Variants in NSF observed in about 807,000 individuals in gnomAD.
NSF encodes vesicle-fusing ATPase.
In NSF, 14 loss-of-function variants were observed where a neutral mutation model predicts 50.3. That is an observed-to-expected ratio of 0.28 (90% CI 0.18 to 0.44). The LOEUF is 0.44. Ranked by LOEUF, NSF falls within the 20% of genes least tolerant of loss-of-function variation. NSF has a pLI of 1.00. For missense variants in NSF, 218 were observed against 504.3 expected, an observed-to-expected ratio of 0.43 and a Z score of 5.44; for synonymous variants, 109 against 175.7, an observed-to-expected ratio of 0.62 and a Z score of 3.00.
intron 17 of NSF, among the ~76,000 whole-genome samples, chr17:46,731,180 C>T (rs930374088): frequency 1.3e-5 from 2 of 152,016 alleles, no homozygotes; most frequent in African/African-American, 4.8e-5. Flanking sequence ...AGTACCATTA[C>T]ATACTACAAC....
In NSF at chr17:46,728,859, C is replaced by A; in HGVS notation, c.1833C>A (p.Tyr611Ter). 1 of 1,598,870 alleles carries A rather than the reference C, an allele frequency of 6.3e-7. No homozygotes were observed. Among genetic ancestry groups the A allele is most frequent in the Non-Finnish European group, 8.5e-7 (1 of 1,171,890 alleles). ...ATAATAATGTTTCTTTTCCAGATTA[C>A]GTCCCTATTGGCCCTCGATTTTCAA... is the stretch of plus-strand genomic sequence containing the variant. ...VVDDIERLLDYVPIGPRFSNL... is the reference protein window; with the variant it reads ...VVDDIERLLD Residue 611 changes from tyrosine (Y) to a stop codon, truncating the protein, a stop_gained, in exon 17 of 21, where the codon TAC becomes TAA. Transcript: ENST00000398238. LOFTEE classifies it high-confidence loss of function.
At chr17:46,684,986 A>G (rs1298512659) in intron 9 of NSF, among the ~76,000 whole-genome samples, 5 of 96,530 alleles carry the variant, frequency 5.2e-5, no homozygotes. Context: ...ATTTTATTCT[A>G]TTTTTTTAAA....
chr17:46,715,733 G>C (rs1194423143), intron 15 of NSF, among the ~76,000 whole-genome samples: 2 of 152,208 alleles, frequency 1.3e-5, no homozygotes, highest in Admixed American at 1.3e-4. Flanking sequence ...AAGGTAATAT[G>C]TGCTGATTTT....
chr17:46,725,481 G>A (rs889477405), intron 15 of NSF, among the ~76,000 whole-genome samples: 26 of 152,096 alleles, frequency 1.7e-4, no homozygotes, highest in African/African-American at 6.3e-4. Flanking sequence ...AAAGAGGTAA[G>A]GAAGGAACTG....
chr17:46,734,729 C>G (rs2058983636), intron 17 of NSF, among the ~76,000 whole-genome samples: 1 of 151,998 alleles, frequency 6.6e-6, no homozygotes, highest in African/African-American at 2.4e-5. Context: ...ATATATAGTA[C>G]ATATATATGT....
Position 46,642,102 on chromosome 17 carries a change from AT to A in NSF, c.590-997del. Among the ~76,000 whole-genome samples the A allele has an allele frequency of 2.0e-5, 2 of 99,882 alleles. 1 individual carries two copies. The highest frequency in any genetic ancestry group is 1.0e-3 in the East Asian group (2 of 1,908). The allele number at this position is 99,882 out of a possible 152,430, so 65.5% of individuals were successfully genotyped here. Reference sequence around the variant, plus strand: ...GGGCAGTAGAGTGTAAGAAAAAAATATTTTTCATCGCTTTCCAAAGGAAATC... The same window carrying A: ...GGGCAGTAGAGTGTAAGAAAAAAATATTTTCATCGCTTTCCAAAGGAAATC... On this transcript the variant is annotated intron_variant, in intron 7 of 20. Coordinates refer to ENST00000398238, the MANE Select transcript of NSF (RefSeq NM_006178.4).
chr17:46,718,301 G>A (rs552371321), intron 15 of NSF, among the ~76,000 whole-genome samples: 8 of 152,176 alleles, frequency 5.3e-5, no homozygotes, highest in African/African-American at 7.2e-5. Context: ...TGGCCATGCC[G>A]GGCCAGCCCC....
chr17:46,721,972 G>A (rs942485367), intron 15 of NSF: 33 of 1,603,868 alleles, frequency 2.1e-5, no homozygotes, highest in Non-Finnish European at 2.3e-5. Flanking sequence ...GTTGAGGAAC[G>A]GGAACAAAGA....
chr17:46,745,596 A>C (rs2059120207), intron 17 of NSF, among the ~76,000 whole-genome samples: 1 of 152,238 alleles, frequency 6.6e-6, no homozygotes, highest in East Asian at 1.9e-4. Context: ...CTTCTTCCTC[A>C]GTGCCACTGT....
chr17:46,715,511 A>C (rs2058759752), intron 15 of NSF, among the ~76,000 whole-genome samples: 1 of 152,228 alleles, frequency 6.6e-6, no homozygotes, highest in Non-Finnish European at 1.5e-5. Flanking sequence ...CAAAAGTAGT[A>C]GTCATCTTTG....
chr17:46,726,162 C>T (rs2058887670), intron 15 of NSF, among the ~76,000 whole-genome samples: 1 of 152,168 alleles, frequency 6.6e-6, no homozygotes, highest in African/African-American at 2.4e-5. Flanking sequence ...AGCCACAATT[C>T]TTATAGATAA....
chr17:46,755,854 AG>A lies in NSF; in HGVS notation c.*34del. 6.2e-7 allele frequency: 1 copy of A among 1,608,804 alleles called. No individual in the cohort carries two copies. The highest frequency in any genetic ancestry group is 8.5e-7 in the Non-Finnish European group (1 of 1,177,390). On this transcript the variant is annotated 3_prime_UTR_variant, in exon 21 of 21. Transcript: ENST00000398238. The stretch of plus-strand genomic sequence containing the variant: ...AACTATTTGAAACACACAGTGACCA[AG>A]GGAAGTGACCAAGGTGAAGATGGCC...
At chr17:46,752,799 C>T (rs542600923) in intron 19 of NSF, among the ~76,000 whole-genome samples, 27 of 152,130 alleles carry the variant, frequency 1.8e-4, no homozygotes, top group African/African-American at 5.3e-4. Context: ...GACGGAGTCT[C>T]GCTCTGTTGC....
At chr17:46,717,902 A>G (rs943803423) in intron 15 of NSF, among the ~76,000 whole-genome samples, 3 of 152,158 alleles carry the variant, frequency 2.0e-5, no homozygotes, top group African/African-American at 7.2e-5. Flanking sequence ...CAACTCCTGG[A>G]TATGAGCTCA....
intron 17 of NSF, among the ~76,000 whole-genome samples, chr17:46,743,593 CTCACCATTGCTTTCTGCCAGCCCTGGG>C: frequency 6.6e-6 from 1 of 152,352 alleles, no homozygotes; most frequent in East Asian, 1.9e-4. Context: ...GGGGACTTGC[CTCACCATTGCTTTCTGCCAGCCCTGGG>C]CTTGCCTTAA....
At chr17:46,708,983 C>T (rs1432965837) in intron 13 of NSF, among the ~76,000 whole-genome samples, 1 of 151,648 alleles carries the variant, frequency 6.6e-6, no homozygotes, top group Non-Finnish European at 1.5e-5. Flanking sequence ...CGCCACCATG[C>T]CCGACTAATT....
chr17:46,714,844 T>C (rs1374368580), intron 15 of NSF, among the ~76,000 whole-genome samples: 1 of 152,202 alleles, frequency 6.6e-6, no homozygotes, highest in Admixed American at 6.5e-5. Flanking sequence ...CCAAGAGATG[T>C]GGGAAAATCA....
intron 15 of NSF, among the ~76,000 whole-genome samples, chr17:46,716,994 G>GT (rs1568043061): frequency 1.3e-5 from 2 of 152,000 alleles, no homozygotes; most frequent in Middle Eastern, 3.4e-3. Context: ...TTGTTTCCAG[G>GT]TTTTTTTCAC....
chr17:46,707,393 A>G (rs1314460837), intron 13 of NSF, among the ~76,000 whole-genome samples: 1 of 152,214 alleles, frequency 6.6e-6, no homozygotes, highest in African/African-American at 2.4e-5. Flanking sequence ...ATACATATAA[A>G]GTTTACCATT....
Sources: gnomAD v4.1 joint callset for allele counts (sites outside exome capture counted in the v4.1 genomes callset) on GRCh38, gnomAD v4.1.1 for gene constraint, MANE v1.5 for transcripts, NCBI Gene and HGNC (gene_info 2026-07-23, HGNC 2026-07-21) for gene names.